Variants in CNTN5 observed in about 807,000 individuals in gnomAD.
CNTN5 encodes the protein contactin 5, also known as contactin-5.
CNTN5 carries 77 observed loss-of-function variants against 129.1 expected under a neutral mutation model. The ratio of observed to expected loss-of-function variants is 0.60; its 90% CI spans 0.50 to 0.72. CNTN5 has a LOEUF of 0.72. Among genes scored for constraint, CNTN5 ranks in the 30% least tolerant of loss-of-function variants. CNTN5 has a pLI of 0.00. For missense variants in CNTN5, 1,478 were observed against 1,328.8 expected (o/e 1.11, Z -1.75); for synonymous variants, 509 against 465.6 (o/e 1.09, Z -1.20).
At chr11:99,805,005 C>T (rs1361901968) in intron 3 of CNTN5, among the ~76,000 whole-genome samples, 3 of 151,866 alleles carry the variant, frequency 2.0e-5, no homozygotes, top group Admixed American at 1.3e-4. Flanking sequence ...TTTGAGAAAC[C>T]ATAGGTAACT....
chr11:99,712,049 A>C (rs573602099), intron 3 of CNTN5, among the ~76,000 whole-genome samples: 2 of 152,198 alleles, frequency 1.3e-5, no homozygotes, highest in South Asian at 4.1e-4. Flanking sequence ...TTCTTAAGGA[A>C]TCACCACACT....
At chr11:99,492,805 G>T (rs1275582510) in intron 2 of CNTN5, among the ~76,000 whole-genome samples, 1 of 152,130 alleles carries the variant, frequency 6.6e-6, no homozygotes, top group African/African-American at 2.4e-5. Flanking sequence ...GGGGAGCCAG[G>T]CATGCAGAAC....
chr11:99,915,082 C>T (rs1386631508), intron 6 of CNTN5, among the ~76,000 whole-genome samples: 5 of 151,898 alleles, frequency 3.3e-5, no homozygotes, highest in Admixed American at 6.6e-5. Context: ...GAAGAAATGG[C>T]AGAACATTTC....
At chr11:100,004,685 T>C (rs902487566) in intron 9 of CNTN5, among the ~76,000 whole-genome samples, 12 of 152,126 alleles carry the variant, frequency 7.9e-5, no homozygotes, top group Non-Finnish European at 1.3e-4. Context: ...TATAAACTCC[T>C]GATAGCAATG....
intron 2 of CNTN5, among the ~76,000 whole-genome samples, chr11:99,523,698 A>G (rs1387046229): frequency 1.7e-4 from 7 of 40,024 alleles, no homozygotes; most frequent in African/African-American, 6.2e-4. Flanking sequence ...ACAGAACAGA[A>G]TAGAACAGAA....
At chr11:99,523,393 C>T (rs1231523422) in intron 2 of CNTN5, among the ~76,000 whole-genome samples, 2 of 151,996 alleles carry the variant, frequency 1.3e-5, no homozygotes, top group Admixed American at 6.6e-5. Flanking sequence ...TTAGGACTTC[C>T]AGACCAGCCT....
chr11:99,902,780 C>T (rs1011301374), intron 6 of CNTN5, among the ~76,000 whole-genome samples: 7 of 151,788 alleles, frequency 4.6e-5, no homozygotes, highest in Admixed American at 3.3e-4. Flanking sequence ...TGAGTATTAC[C>T]CAAAGATTAT....
intron 9 of CNTN5, among the ~76,000 whole-genome samples, chr11:100,013,890 A>G (rs936298313): frequency 5.9e-5 from 9 of 152,322 alleles, no homozygotes; most frequent in Middle Eastern, 3.4e-3. Context: ...TAAATCTATC[A>G]TAGTACATGT....
intron 3 of CNTN5, among the ~76,000 whole-genome samples, chr11:99,784,255 A>G (rs1222478265): frequency 6.6e-6 from 1 of 152,060 alleles, no homozygotes; most frequent in Non-Finnish European, 1.5e-5. Flanking sequence ...TCAACCCGTC[A>G]TCTACATTAC....
chr11:99,274,846 G>C (rs1359037827), intron 1 of CNTN5, among the ~76,000 whole-genome samples: 1 of 151,402 alleles, frequency 6.6e-6, no homozygotes, highest in Non-Finnish European at 1.5e-5. Flanking sequence ...TTCAAAAACT[G>C]ATTACAATGC....
intron 1 of CNTN5, among the ~76,000 whole-genome samples, chr11:99,140,784 A>C (rs180854762): frequency 6.6e-6 from 1 of 152,164 alleles, no homozygotes; most frequent in East Asian, 1.9e-4. Flanking sequence ...TGTTTATGGG[A>C]TGAATCACAT....
intron 13 of CNTN5, among the ~76,000 whole-genome samples, chr11:100,119,566 A>G (rs886871350): frequency 6.6e-6 from 1 of 151,930 alleles, no homozygotes; most frequent in African/African-American, 2.4e-5. Flanking sequence ...TGAATAAAAT[A>G]TAAAAGAACA....
At chr11:100,048,357 G>T (rs1274596992) in intron 9 of CNTN5, among the ~76,000 whole-genome samples, 1 of 151,986 alleles carries the variant, frequency 6.6e-6, no homozygotes, top group Non-Finnish European at 1.5e-5. Flanking sequence ...AAGCTTTCCT[G>T]GTTCTTCAGT....
At chr11:99,028,569 TAA>T (rs1863213571) in intron 1 of CNTN5, among the ~76,000 whole-genome samples, 1 of 151,918 alleles carries the variant, frequency 6.6e-6, no homozygotes, top group African/African-American at 2.4e-5. Context: ...TTTCAGTGCC[TAA>T]GTTATTTTAA....
chr11:99,928,949 A>C (rs2136066666), intron 7 of CNTN5, among the ~76,000 whole-genome samples: 1 of 152,290 alleles, frequency 6.6e-6, no homozygotes, highest in African/African-American at 2.4e-5. Context: ...AATGCATAAA[A>C]CCAAATGCTT....
At chr11:99,814,262 C>T (rs1591237176) in intron 3 of CNTN5, among the ~76,000 whole-genome samples, 1 of 152,102 alleles carries the variant, frequency 6.6e-6, no homozygotes, top group African/African-American at 2.4e-5. Flanking sequence ...TATGCGTGTA[C>T]AGGCAGATGG....
intron 21 of CNTN5, chr11:100,337,446 G>A (rs1194346664): frequency 1.3e-6 from 1 of 750,506 alleles, no homozygotes; most frequent in South Asian, 1.4e-5. Context: ...CCAAAATCAG[G>A]TGTTGAATGT....
chr11:99,708,887 T>G (rs1229188932), intron 3 of CNTN5, among the ~76,000 whole-genome samples: 1 of 151,766 alleles, frequency 6.6e-6, no homozygotes, highest in East Asian at 1.9e-4. Context: ...CTCTTTCCCT[T>G]ATACTAGTCC....
chr11:99,688,420 T>C (rs1401099922), intron 3 of CNTN5, among the ~76,000 whole-genome samples: 2 of 152,030 alleles, frequency 1.3e-5, no homozygotes, highest in Non-Finnish European at 2.9e-5. Flanking sequence ...GAACACAAAG[T>C]TATTTTGAAC....
Sources: gnomAD v4.1 joint callset for allele counts (sites outside exome capture counted in the v4.1 genomes callset) on GRCh38, gnomAD v4.1.1 for gene constraint, MANE v1.5 for transcripts, NCBI Gene and HGNC (gene_info 2026-07-23, HGNC 2026-07-21) for gene names.